Variants in SNX1 observed in about 807,000 individuals in gnomAD.
SNX1 encodes the protein sorting nexin 1.
In SNX1, 36 loss-of-function variants were observed where a neutral mutation model predicts 71.8. The observed-to-expected ratio is 0.50, with a 90% CI of 0.38 to 0.66. The LOEUF (loss-of-function observed/expected upper bound fraction) is 0.66, where lower values mean the gene tolerates loss of function less well. Ranked by LOEUF, SNX1 falls within the 30% of genes least tolerant of loss-of-function variation. The pLI, the probability that SNX1 is intolerant of heterozygous loss-of-function variation, is 0.00. For missense variants in SNX1, 612 were observed against 646.7 expected, an observed-to-expected ratio of 0.95 and a Z score of 0.58; for synonymous variants, 254 against 240.7, an observed-to-expected ratio of 1.06 and a Z score of -0.51.
intron 4 of SNX1, 50 bp from the exon 5 acceptor site, chr15:64,123,453 G>C: frequency 6.7e-7 from 1 of 1,491,410 alleles, no homozygotes; most frequent in Non-Finnish European, 9.4e-7. Flanking sequence ...AGCTGGATTG[G>C]CACTGCTTTG....
chr15:64,107,136 G>T (rs2081030813), intron 1 of SNX1, among the ~76,000 whole-genome samples: 1 of 152,136 alleles, frequency 6.6e-6, no homozygotes, highest in Non-Finnish European at 1.5e-5. Context: ...ACATTAGTGT[G>T]ATCACACAAC....
chr15:64,111,938 A>G (rs2081081944), intron 1 of SNX1, among the ~76,000 whole-genome samples: 1 of 152,228 alleles, frequency 6.6e-6, no homozygotes, highest in African/African-American at 2.4e-5. Context: ...CTATGGACTG[A>G]CTGTATTTTC....
rs2081339015 is a variant in SNX1, at chr15:64,134,676, C to T, written c.1234C>T (p.Gln412Ter). The change falls in exon 12 of 15, where the codon CAG becomes TAG. Residue 412 changes from glutamine (Q) to a stop codon, truncating the protein, a stop_gained. Coordinates refer to ENST00000559844, the MANE Select transcript of SNX1 (RefSeq NM_003099.5). LOFTEE classifies it high-confidence loss of function. The surrounding 1 kb of genome is among the most constrained non-coding windows in gnomAD (Gnocchi z 4.1). ...CCCACCCCCACAGGCTGCCTTCGACCAGCGCATGAAGACATGGCAGCGCTG... is the reference window on the plus strand; with the variant it reads ...CCCACCCCCACAGGCTGCCTTCGACTAGCGCATGAAGACATGGCAGCGCTG... ...LLAIVRAAFD[Q>*]RMKTWQRWQD... is the part of the protein sequence containing the mutation. The T allele has an allele frequency of 6.2e-7, 1 of 1,612,092 alleles. No individual in the cohort carries two copies. Among genetic ancestry groups the T allele is most frequent in the Non-Finnish European group, 8.5e-7 (1 of 1,179,248 alleles).
intron 1 of SNX1, among the ~76,000 whole-genome samples, chr15:64,102,071 G>A: frequency 6.6e-6 from 1 of 152,026 alleles, no homozygotes; most frequent in Non-Finnish European, 1.5e-5. Flanking sequence ...GCTTGTTAAA[G>A]ATTTTTTGTA....
intron 1 of SNX1, among the ~76,000 whole-genome samples, chr15:64,104,908 G>A (rs943541086): frequency 3.5e-5 from 5 of 143,726 alleles, no homozygotes; most frequent in African/African-American, 1.3e-4. Flanking sequence ...AAAAAAGATG[G>A]CTAATAATAA....
In SNX1 at chr15:64,131,865, C is replaced by T. The variant is rs1430999719; in HGVS notation, c.1194C>T (p.Asp398=). The change falls in exon 11 of 15, where the codon GAC becomes GAT. Residue 398 remains aspartate, a synonymous_variant. Coordinates refer to ENST00000559844, the MANE Select transcript of SNX1 (RefSeq NM_003099.5). The part of the protein sequence containing the change: ...DFFLLAELLS[D]YIRLLAIVRA... The stretch of plus-strand genomic sequence containing the variant: ...TCCTCCTTGCTGAGCTCCTGAGTGA[C>T]TACATTCGCCTCCTGGCCATAGTCC... The T allele has an allele frequency of 3.1e-6, 5 of 1,614,230 alleles. No homozygotes were observed. Among genetic ancestry groups the T allele is most frequent in the Non-Finnish European group, 4.2e-6 (5 of 1,180,040 alleles).
chr15:64,125,464 C>CAAAAAA (rs56350009), intron 5 of SNX1, among the ~76,000 whole-genome samples: 1 of 45,910 alleles, frequency 2.2e-5, no homozygotes, highest in South Asian at 8.0e-4. Flanking sequence ...GACTCCATCT[C>CAAAAAA]AAAAAAAAAA....
chr15:64,135,782 C>T (rs182406150), intron 12 of SNX1, among the ~76,000 whole-genome samples: 2,603 of 138,274 alleles, frequency 0.019, 27 homozygotes, highest in Non-Finnish European at 0.027. Flanking sequence ...AAAAATTAGA[C>T]GTGATGGCAC....
chr15:64,100,624 A>AG (rs2080950518), intron 1 of SNX1, among the ~76,000 whole-genome samples: 1 of 139,638 alleles, frequency 7.2e-6, no homozygotes, highest in Non-Finnish European at 1.6e-5. Context: ...AAAAAAAAAA[A>AG]AAGAGACTCA....
intron 1 of SNX1, among the ~76,000 whole-genome samples, chr15:64,102,714 T>C (rs1446323151): frequency 6.6e-6 from 1 of 152,082 alleles, no homozygotes; most frequent in African/African-American, 2.4e-5. Context: ...GAGTTCATTC[T>C]TTTTTATGCC....
Position 64,118,830 on chromosome 15 carries a change from G to A in SNX1, c.442G>A (p.Gly148Ser), listed in dbSNP as rs770349136. The change falls in exon 4 of 15, where the codon GGT (glycine) becomes AGT (serine). Residue 148 changes from glycine (G) to serine (S), a missense_variant. Around this residue, in one of 2 missense-constraint regions of SNX1, gnomAD observed 316 missense variants for 284.9 expected, o/e 1.11. Coordinates refer to ENST00000559844, the MANE Select transcript of SNX1 (RefSeq NM_003099.5). ...GGAGGATCAATTTGATTTGACAGTC[G>A]GTATAACTGATCCTGAGAAGATAGG... ...EQEDQFDLTV[G>S]ITDPEKIGDG... 1.3e-5 allele frequency: 21 copies of A among 1,613,000 alleles called. No individual in the cohort carries two copies. The highest frequency in any genetic ancestry group is 2.2e-5 in the East Asian group (1 of 44,842).
chr15:64,130,522 G>A (rs59696489), intron 10 of SNX1, among the ~76,000 whole-genome samples: 11,306 of 152,214 alleles, frequency 0.074, 1,317 homozygotes, highest in African/African-American at 0.25. Context: ...TGGGCATTGT[G>A]CTTTCTACCT....
At chr15:64,105,022 G>C (rs1310620157) in intron 1 of SNX1, among the ~76,000 whole-genome samples, 1 of 151,996 alleles carries the variant, frequency 6.6e-6, no homozygotes, top group Non-Finnish European at 1.5e-5. Flanking sequence ...ATCACCTGAG[G>C]TCAGGAGTTC....
chr15:64,136,657 G>C (rs1358861184), intron 13 of SNX1, among the ~76,000 whole-genome samples: 1 of 152,068 alleles, frequency 6.6e-6, no homozygotes, highest in Non-Finnish European at 1.5e-5. Context: ...GTCCCCTGTC[G>C]TTTCTCCTCC....
intron 9 of SNX1, 45 bp from the exon 10 acceptor site, chr15:64,130,183 C>T: frequency 6.5e-7 from 1 of 1,546,132 alleles, no homozygotes; most frequent in Non-Finnish European, 8.9e-7. Flanking sequence ...CTGTACTGCA[C>T]CCATAAAAGT....
chr15:64,099,608 C>T (rs1342640527), intron 1 of SNX1, among the ~76,000 whole-genome samples: 5 of 152,180 alleles, frequency 3.3e-5, no homozygotes, highest in Non-Finnish European at 5.9e-5. Context: ...GCCAGGATTG[C>T]ACCACTGTAC....
chr15:64,137,815 G>A lies in SNX1; in HGVS notation c.*197G>A. Reference sequence around the variant, plus strand: ...TCCATATATATTTTCTTACCTAAGAGAATAGTTTCCTGCTTTAAGCAAAAG... The same window carrying A: ...TCCATATATATTTTCTTACCTAAGAAAATAGTTTCCTGCTTTAAGCAAAAG... On this transcript the variant is annotated 3_prime_UTR_variant, in exon 15 of 15. Coordinates refer to ENST00000559844, the MANE Select transcript of SNX1 (RefSeq NM_003099.5). 7.0e-7 allele frequency: 1 copy of A among 1,422,118 alleles called. No homozygotes were observed. Among genetic ancestry groups the A allele is most frequent in the African/African-American group, 1.4e-5 (1 of 69,658 alleles). 88.1% of individuals were successfully genotyped at this position (1,422,118 alleles called of 1,614,324 possible).
chr15:64,134,452 A>G lies in SNX1; in HGVS notation c.1222-212A>G, dbSNP rs906057803. On this transcript the variant is annotated intron_variant, in intron 11 of 14. Coordinates refer to ENST00000559844, the MANE Select transcript of SNX1 (RefSeq NM_003099.5). The surrounding 1 kb of genome is among the most constrained non-coding windows in gnomAD (Gnocchi z 4.1). ...AGCCCTGGGAGTAGCATGAAGCAGC[A>G]TGGCACTGGCCTTCTGGAAGCTTGG... 17 of 573,652 alleles carry G rather than the reference A, an allele frequency of 3.0e-5. No homozygotes were observed. Among genetic ancestry groups the G allele is most frequent in the African/African-American group, 2.6e-4 (14 of 53,162 alleles). The allele number at this position is 573,652 out of a possible 1,614,324, so 35.5% of individuals were successfully genotyped here. A position where few individuals can be genotyped will look rare whatever the true frequency, so the allele number is the denominator to read the frequency against.
Position 64,134,849 on chromosome 15 carries a change from T to C in SNX1, c.1365+42T>C. Reference sequence around the variant, plus strand: ...AGCCCAGCCAGGGGTGTTCTGCTGGTTCCAAATGAACCCAGGGCCCATCCC... The same window carrying C: ...AGCCCAGCCAGGGGTGTTCTGCTGGCTCCAAATGAACCCAGGGCCCATCCC... On this transcript the variant is annotated intron_variant, in intron 12 of 14. Coordinates refer to ENST00000559844, the MANE Select transcript of SNX1 (RefSeq NM_003099.5). This position sits in a 1 kb window ranked among gnomAD's most constrained non-coding sequence, Gnocchi z 4.1. 1 of 1,609,080 alleles carries C rather than the reference T, an allele frequency of 6.2e-7. No individual in the cohort carries two copies. Among genetic ancestry groups the C allele is most frequent in the East Asian group, 2.2e-5 (1 of 44,652 alleles).
Sources: allele counts gnomAD v4.1 joint callset (sites outside exome capture counted in the v4.1 genomes callset), GRCh38; gene constraint gnomAD v4.1.1; regional missense constraint gnomAD v4.1.1; non-coding constraint Gnocchi (gnomAD v3.1); transcripts MANE v1.5; gene names NCBI Gene and HGNC (gene_info 2026-07-23, HGNC 2026-07-21).